Variants in RPGRIP1L observed in about 807,000 individuals in gnomAD.
RPGRIP1L encodes protein fantom.
In RPGRIP1L, 131 loss-of-function variants were observed where a neutral mutation model predicts 160.4. The observed-to-expected ratio is 0.82, with a 90% CI of 0.71 to 0.94. The LOEUF (loss-of-function observed/expected upper bound fraction) is 0.94. Among genes scored for constraint, RPGRIP1L ranks in the 40% least tolerant of loss-of-function variants. The pLI, the probability that RPGRIP1L is intolerant of heterozygous loss-of-function variation, is 0.00. For missense variants in RPGRIP1L, 1,522 were observed against 1,535.8 expected (o/e 0.99, Z 0.15); for synonymous variants, 510 against 515.8 (o/e 0.99, Z 0.15).
intron 22 of RPGRIP1L, among the ~76,000 whole-genome samples, chr16:53,632,587 A>G (rs1965588380): frequency 6.6e-6 from 1 of 152,112 alleles, no homozygotes; most frequent in Admixed American, 6.6e-5. Flanking sequence ...GTGATCTTCT[A>G]TCCCCATTCC....
At chr16:53,613,988 C>T (rs1390269450) in intron 24 of RPGRIP1L, among the ~76,000 whole-genome samples, 1 of 152,174 alleles carries the variant, frequency 6.6e-6, no homozygotes, top group African/African-American at 2.4e-5. Flanking sequence ...TGTTACATAA[C>T]CTCTCCTCCT....
chr16:53,657,570 A>ATT lies in RPGRIP1L; in HGVS notation c.1462_1463dup (p.Asn488LysfsTer5). ...CTCTCATAGAGCGTTCTAGATCTTT[A>ATT]TTAATTTCACTATCTACTTTCACTA... On this transcript the variant is annotated frameshift_variant, in exon 13 of 27. Transcript: ENST00000647211. LOFTEE classifies it high-confidence loss of function. 1 of 1,603,146 alleles carries ATT rather than the reference A, an allele frequency of 6.2e-7. No homozygotes were observed. Among genetic ancestry groups the ATT allele is most frequent in the Non-Finnish European group, 8.5e-7 (1 of 1,171,534 alleles).
At chr16:53,645,463 G>A (rs554743449) in intron 17 of RPGRIP1L, among the ~76,000 whole-genome samples, 162 bp downstream of exon 17, 48 of 151,882 alleles carry the variant, frequency 3.2e-4, no homozygotes, top group African/African-American at 1.2e-3. Flanking sequence ...CACATAGAGC[G>A]ACTAGTAAGA....
rs369041621 is a variant in RPGRIP1L, at chr16:53,641,377, T to C, written c.2782A>G (p.Thr928Ala). Residue 928 changes from threonine (T) to alanine (A), a missense_variant, in exon 18 of 27, where the codon ACA (threonine) becomes GCA (alanine). Physicochemically the swap from Thr to Ala is moderately conservative, Grantham distance 58 (BLOSUM62 0). Coordinates refer to ENST00000647211, the MANE Select transcript of RPGRIP1L (RefSeq NM_015272.5). ...ATGAAATTTCCTAAGTCTTCAGTTG[T>C]TATTGATCCACTTGGTGGAAGGTAA... The part of the protein sequence containing the change: ...FAYLPPSGSI[T>A]TEDLGNFIRS... 1.9e-6 allele frequency: 3 copies of C among 1,613,976 alleles called. No homozygotes were observed. Among genetic ancestry groups the C allele is most frequent in the East Asian group, 2.2e-5 (1 of 44,882 alleles).
chr16:53,638,473 A>G, intron 19 of RPGRIP1L, 62 bp from the exon 20 acceptor site: 2 of 895,042 alleles, frequency 2.2e-6, no homozygotes, highest in Non-Finnish European at 3.7e-6. Flanking sequence ...ATCCCAAATC[A>G]TTCTATCATA....
intron 20 of RPGRIP1L, among the ~76,000 whole-genome samples, 180 bp downstream of exon 20, chr16:53,638,130 G>A (rs1965957653): frequency 6.6e-6 from 1 of 151,984 alleles, no homozygotes. Flanking sequence ...TATATTACCT[G>A]TCAATAGCAG....
intron 3 of RPGRIP1L, chr16:53,695,601 T>C: frequency 1.7e-6 from 1 of 583,838 alleles, no homozygotes; most frequent in Non-Finnish European, 3.0e-6. Context: ...GAAATCATTT[T>C]TGCCAAGATT....
At chr16:53,686,200 G>A (rs541431379) in intron 6 of RPGRIP1L, among the ~76,000 whole-genome samples, 1 of 152,286 alleles carries the variant, frequency 6.6e-6, no homozygotes, top group Admixed American at 6.5e-5. Context: ...AACAAGATGA[G>A]GGTGATTTCC....
intron 19 of RPGRIP1L, among the ~76,000 whole-genome samples, chr16:53,638,796 A>G (rs1255041453): frequency 6.6e-6 from 1 of 151,874 alleles, no homozygotes; most frequent in Non-Finnish European, 1.5e-5. Flanking sequence ...TACATAACAT[A>G]GTGTTGAGTA....
At position 53,692,194 on chromosome 16, in the gene RPGRIP1L, A is replaced by T. The variant is rs1970432367; in HGVS notation, c.401T>A (p.Ile134Asn). The T allele has an allele frequency of 6.2e-7, 1 of 1,613,884 alleles. No individual in the cohort carries two copies. Among genetic ancestry groups the T allele is most frequent in the African/African-American group, 1.3e-5 (1 of 74,850 alleles). Residue 134 changes from isoleucine (I) to asparagine (N), a missense_variant, in exon 4 of 27, where the codon ATT (isoleucine) becomes AAT (asparagine). Coordinates refer to ENST00000647211, the MANE Select transcript of RPGRIP1L (RefSeq NM_015272.5). ...GGTTTGAAGTTGCTGTTTGGCTGAAATCAGTCTGTTTTTGAGGGTTTCATT... is the reference window on the plus strand; with the variant it reads ...GGTTTGAAGTTGCTGTTTGGCTGAATTCAGTCTGTTTTTGAGGGTTTCATT... ...KQNETLKNRL[I>N]SAKQQLQTQG...
In RPGRIP1L at chr16:53,638,120, T is replaced by C. The variant is rs148279382; in HGVS notation, c.3060+190A>G. 6.6e-5 allele frequency among the ~76,000 whole-genome samples: 10 copies of C among 152,264 alleles called. No homozygotes were observed. The East Asian group carries it at 1.9e-3, about 29-fold the overall frequency. ...ATTAAGACTTTAATTCAAATATTCA[T>C]ATATTACCTGTCAATAGCAGTATAA... On this transcript the variant is annotated intron_variant, in intron 20 of 26. Transcript: ENST00000647211.
At chr16:53,700,857 GC>G in intron 1 of RPGRIP1L, 127 bp from the exon 2 acceptor site, 2 of 729,732 alleles carry the variant, frequency 2.7e-6, no homozygotes, top group Non-Finnish European at 4.9e-6. Context: ...CACATGTGCT[GC>G]TTGGAGAAGA....
At chr16:53,684,170 T>G (rs1969818141) in intron 6 of RPGRIP1L, among the ~76,000 whole-genome samples, 1 of 152,196 alleles carries the variant, frequency 6.6e-6, no homozygotes, top group East Asian at 1.9e-4. Flanking sequence ...TCAACCATTG[T>G]GGAAGTCAGT....
chr16:53,686,420 T>G lies in RPGRIP1L; in HGVS notation c.776+13A>C, dbSNP rs772348382. 25 of 1,611,562 alleles carry G rather than the reference T, an allele frequency of 1.6e-5. No individual in the cohort carries two copies. The South Asian group carries it at 2.5e-4, about 16-fold the overall frequency. On this transcript the variant is annotated intron_variant, in intron 6 of 26. Transcript: ENST00000647211. ...TTTGACCTTATCAAAGTGATATTTC[T>G]GTTTTAACATACCTTTGATCTGTAG...
intron 19 of RPGRIP1L, 39 bp from the exon 20 acceptor site, chr16:53,638,450 T>C (rs199542430): frequency 3.7e-6 from 4 of 1,081,378 alleles, no homozygotes; most frequent in East Asian, 4.8e-5. Context: ...TGTCATTTTT[T>C]ATTTATTACT....
At chr16:53,623,264 G>A (rs553425370) in intron 22 of RPGRIP1L, among the ~76,000 whole-genome samples, 9 of 152,274 alleles carry the variant, frequency 5.9e-5, no homozygotes, top group Non-Finnish European at 1.0e-4. Flanking sequence ...ATTTGAGAGC[G>A]AACTGGTAGC....
chr16:53,615,472 A>ATTTTT (rs1166401715), intron 24 of RPGRIP1L, among the ~76,000 whole-genome samples: 168 of 75,036 alleles, frequency 2.2e-3, no homozygotes, highest in African/African-American at 8.7e-3. Flanking sequence ...ATATATATAT[A>ATTTTT]TTTTTTTTTT....
At position 53,609,708 on chromosome 16, in the gene RPGRIP1L, C is replaced by T. The variant is rs185402473; in HGVS notation, c.3701+1259G>A. ...CCATGGCCAGTGCTGTTTATTCCCT[C>T]GTCACTCATGACCTGGGATAACCCT... On this transcript the variant is annotated intron_variant, in intron 25 of 26. Coordinates refer to ENST00000647211, the MANE Select transcript of RPGRIP1L (RefSeq NM_015272.5). Among the ~76,000 whole-genome samples, 462 of 152,146 alleles carry T rather than the reference C, an allele frequency of 3.0e-3. 7 individuals carry two copies. The highest frequency in any genetic ancestry group is 0.026 in the Admixed American group (398 of 15,282).
In RPGRIP1L at chr16:53,622,260, A is replaced by C; in HGVS notation, c.3391T>G (p.Ser1131Ala). The C allele has an allele frequency of 1.5e-6, 1 of 661,988 alleles. No individual in the cohort carries two copies. The highest frequency in any genetic ancestry group is 2.7e-6 in the Non-Finnish European group (1 of 364,030). The allele number at this position is 661,988 out of a possible 1,614,324, so 41.0% of individuals were successfully genotyped here. ...GCACCTGTAATCCCATCTACTTGGGAGGCTGAGGCAGGAAAATCGCTGGAA... is the reference window on the plus strand; with the variant it reads ...GCACCTGTAATCCCATCTACTTGGGCGGCTGAGGCAGGAAAATCGCTGGAA... ...PGSSDFPASASQVDGITGACH... is the reference protein window; with the variant it reads ...PGSSDFPASAAQVDGITGACH... Residue 1131 changes from serine to alanine, a missense_variant, in exon 23 of 27, where the codon TCC becomes GCC. Transcript: ENST00000647211.
Sources: gnomAD v4.1 joint callset for allele counts (sites outside exome capture counted in the v4.1 genomes callset) on GRCh38, gnomAD v4.1.1 for gene constraint, MANE v1.5 for transcripts, NCBI Gene and HGNC (gene_info 2026-07-23, HGNC 2026-07-21) for gene names.